Variants in CCSER1 observed in about 807,000 individuals in gnomAD.
CCSER1 encodes serine-rich coiled-coil domain-containing protein 1.
A neutral mutation model predicts 82.0 loss-of-function variants in CCSER1; 41 were observed. The ratio of observed to expected loss-of-function variants is 0.50; its 90% CI spans 0.39 to 0.65. The LOEUF is 0.65. CCSER1 is among the 30% of genes least tolerant of loss of function. The pLI is 0.00. For synonymous variants in CCSER1, 414 were observed against 383.9 expected (o/e 1.08, Z -0.92); for missense variants, 1,119 against 1,064.2 (o/e 1.05, Z -0.72).
chr4:91,455,682 C>A (rs531065783), intron 10 of CCSER1, among the ~76,000 whole-genome samples: 1 of 152,004 alleles, frequency 6.6e-6, no homozygotes. Context: ...AGACTGAAGG[C>A]GTGATTATGC....
intron 4 of CCSER1, among the ~76,000 whole-genome samples, chr4:90,405,243 A>G (rs796737594): frequency 5.3e-5 from 8 of 152,148 alleles, no homozygotes; most frequent in African/African-American, 1.9e-4. Context: ...ATAGAATCAA[A>G]CAAGCAGAAG....
intron 10 of CCSER1, among the ~76,000 whole-genome samples, chr4:91,225,661 C>G (rs1055074861): frequency 7.3e-5 from 11 of 151,670 alleles, no homozygotes; most frequent in African/African-American, 2.4e-4. Flanking sequence ...TTCTCTATGC[C>G]ATTGACCTGC....
intron 9 of CCSER1, among the ~76,000 whole-genome samples, chr4:90,971,844 A>G (rs1171131440): frequency 6.6e-6 from 1 of 151,968 alleles, no homozygotes; most frequent in Non-Finnish European, 1.5e-5. Context: ...AGGATGATTC[A>G]ATATATCAAA....
chr4:90,167,176 T>C (rs952885724), intron 1 of CCSER1, among the ~76,000 whole-genome samples: 1 of 152,094 alleles, frequency 6.6e-6, no homozygotes, highest in Admixed American at 6.6e-5. Flanking sequence ...GTTACAAAGG[T>C]GTTAAATATT....
chr4:90,959,422 T>C (rs1733836718), intron 9 of CCSER1, among the ~76,000 whole-genome samples: 1 of 152,308 alleles, frequency 6.6e-6, no homozygotes, highest in African/African-American at 2.4e-5. Context: ...AGTAAATTCT[T>C]ATATAAACAA....
chr4:91,218,598 A>G (rs903474572), intron 10 of CCSER1, among the ~76,000 whole-genome samples: 30 of 152,210 alleles, frequency 2.0e-4, no homozygotes, highest in African/African-American at 7.2e-4. Context: ...TTAATGATAC[A>G]TAACACTAGT....
chr4:91,527,021 G>A (rs1760801033), intron 10 of CCSER1, among the ~76,000 whole-genome samples: 1 of 148,908 alleles, frequency 6.7e-6, no homozygotes, highest in African/African-American at 2.5e-5. Flanking sequence ...ATCAAAAGAA[G>A]TAATGACAAT....
At chr4:90,341,587 A>C (rs1240408775) in intron 3 of CCSER1, among the ~76,000 whole-genome samples, 1 of 152,070 alleles carries the variant, frequency 6.6e-6, no homozygotes, top group Non-Finnish European at 1.5e-5. Flanking sequence ...TAAAATAGCT[A>C]ATCTTCTATG....
chr4:91,424,865 G>A (rs1753883860), intron 10 of CCSER1, among the ~76,000 whole-genome samples: 1 of 152,028 alleles, frequency 6.6e-6, no homozygotes, highest in Non-Finnish European at 1.5e-5. Context: ...AATGTTTTAG[G>A]TAAGAGAAAC....
chr4:91,283,571 T>C (rs1047497429), intron 10 of CCSER1, among the ~76,000 whole-genome samples: 3 of 152,128 alleles, frequency 2.0e-5, no homozygotes, highest in Non-Finnish European at 2.9e-5. Flanking sequence ...CATCTTTTGC[T>C]GTAATTTTTA....
chr4:90,802,135 T>C (rs968759731), intron 7 of CCSER1, among the ~76,000 whole-genome samples: 1 of 151,782 alleles, frequency 6.6e-6, no homozygotes, highest in Admixed American at 6.6e-5. Context: ...CGAGAATCGC[T>C]TGAACCCGGG....
chr4:90,422,115 T>C (rs1175986982), intron 4 of CCSER1, among the ~76,000 whole-genome samples: 1 of 152,202 alleles, frequency 6.6e-6, no homozygotes, highest in Non-Finnish European at 1.5e-5. Flanking sequence ...GTCAGTTTTT[T>C]CCTCTTGAAT....
chr4:90,255,228 T>A (rs1301064213), intron 1 of CCSER1, among the ~76,000 whole-genome samples: 1 of 152,294 alleles, frequency 6.6e-6, no homozygotes, highest in East Asian at 1.9e-4. Flanking sequence ...AAGAAAATTA[T>A]AAAAATTACA....
chr4:91,109,611 A>T (rs1725924621), intron 10 of CCSER1, among the ~76,000 whole-genome samples: 1 of 152,214 alleles, frequency 6.6e-6, no homozygotes, highest in Admixed American at 6.5e-5. Flanking sequence ...GGAATAAAAC[A>T]GGTGATAGTC....
At chr4:90,191,717 T>C (rs1735667724) in intron 1 of CCSER1, among the ~76,000 whole-genome samples, 1 of 152,072 alleles carries the variant, frequency 6.6e-6, no homozygotes, top group Admixed American at 6.6e-5. Flanking sequence ...AAGAAATGGT[T>C]TCCTATGGAA....
intron 10 of CCSER1, among the ~76,000 whole-genome samples, chr4:91,288,132 A>G (rs536932950): frequency 1.9e-3 from 277 of 146,294 alleles, no homozygotes; most frequent in African/African-American, 6.6e-3. Flanking sequence ...ACACTCATGT[A>G]TATATATATA....
At chr4:90,156,145 A>G (rs1468957340) in intron 1 of CCSER1, among the ~76,000 whole-genome samples, 1 of 152,180 alleles carries the variant, frequency 6.6e-6, no homozygotes, top group Non-Finnish European at 1.5e-5. Flanking sequence ...GTAGTCATTC[A>G]GGAGCAGGTT....
chr4:91,527,272 C>T (rs1760813114), intron 10 of CCSER1, among the ~76,000 whole-genome samples: 1 of 152,112 alleles, frequency 6.6e-6, no homozygotes, highest in South Asian at 2.1e-4. Flanking sequence ...AAAGAACTTG[C>T]TCTGAGATTA....
At chr4:91,284,164 C>G (rs1350393349) in intron 10 of CCSER1, among the ~76,000 whole-genome samples, 1 of 152,048 alleles carries the variant, frequency 6.6e-6, no homozygotes, top group Non-Finnish European at 1.5e-5. Flanking sequence ...TATTAGCACT[C>G]TCTCTCTCAA....
Sources: allele counts gnomAD v4.1 joint callset (sites outside exome capture counted in the v4.1 genomes callset), GRCh38; gene constraint gnomAD v4.1.1; transcripts MANE v1.5; gene names NCBI Gene and HGNC (gene_info 2026-07-23, HGNC 2026-07-21).